Variants in DLG2 observed in about 807,000 individuals in gnomAD.
DLG2 encodes discs large MAGUK scaffold protein 2.
DLG2 carries 45 observed loss-of-function variants against 132.5 expected under a neutral mutation model. That is an observed-to-expected ratio of 0.34 (90% CI 0.27 to 0.44). The LOEUF is 0.44. Ranked by LOEUF, DLG2 falls within the 20% of genes least tolerant of loss-of-function variation. DLG2 has a pLI of 1.00. For missense variants in DLG2, 1,045 were observed against 1,196.9 expected (o/e 0.87, Z 1.87); for synonymous variants, 424 against 419.6 (o/e 1.01, Z -0.13).
chr11:84,703,866 A>ATATATATATATATATATATATATG (rs1356758303), intron 6 of DLG2, among the ~76,000 whole-genome samples: 27 of 118,338 alleles, frequency 2.3e-4, no homozygotes, highest in African/African-American at 8.5e-4. Flanking sequence ...AGATATATAT[A>ATATATATATATATATATATATATG]TATATATATA....
intron 3 of DLG2, among the ~76,000 whole-genome samples, chr11:85,525,739 A>G (rs561340330): frequency 3.3e-5 from 5 of 152,330 alleles, no homozygotes; most frequent in Admixed American, 6.5e-5. Context: ...TACTGCCAGG[A>G]GAATATTTTC....
At chr11:84,675,762 C>G (rs755592760) in intron 6 of DLG2, among the ~76,000 whole-genome samples, 3 of 152,090 alleles carry the variant, frequency 2.0e-5, no homozygotes, top group African/African-American at 7.2e-5. Context: ...CTTCTCATCC[C>G]TTTTACACCG....
chr11:84,316,797 A>G, intron 7 of DLG2: 2 of 1,571,960 alleles, frequency 1.3e-6, no homozygotes, highest in Non-Finnish European at 1.7e-6. Flanking sequence ...TCAGACACTC[A>G]AGGGAAAGTC....
intron 6 of DLG2, among the ~76,000 whole-genome samples, chr11:84,571,543 C>T (rs2099484955): frequency 6.6e-6 from 1 of 151,976 alleles, no homozygotes; most frequent in Non-Finnish European, 1.5e-5. Flanking sequence ...TGACATGGCA[C>T]CCTCCCCTCC....
intron 3 of DLG2, among the ~76,000 whole-genome samples, chr11:85,510,441 G>A (rs971461975): frequency 3.3e-5 from 5 of 151,924 alleles, no homozygotes; most frequent in South Asian, 2.1e-4. Flanking sequence ...GCAACCTACA[G>A]AATGGGAGAA....
chr11:85,098,456 G>A (rs929820839), intron 6 of DLG2, among the ~76,000 whole-genome samples: 3 of 152,130 alleles, frequency 2.0e-5, no homozygotes, highest in Non-Finnish European at 2.9e-5. Flanking sequence ...CGGCCATTCC[G>A]TGTGTACTCT....
chr11:84,113,104 C>G (rs755222895), intron 9 of DLG2, among the ~76,000 whole-genome samples: 1 of 152,012 alleles, frequency 6.6e-6, no homozygotes, highest in African/African-American at 2.4e-5. Flanking sequence ...GTAGTGGTGC[C>G]GAAGTATGCT....
intron 19 of DLG2, among the ~76,000 whole-genome samples, chr11:83,583,348 G>T (rs7130884): frequency 6.6e-6 from 1 of 152,074 alleles, no homozygotes; most frequent in South Asian, 2.1e-4. Flanking sequence ...ACATATTACC[G>T]AAAGCCTGCA....
intron 7 of DLG2, among the ~76,000 whole-genome samples, chr11:84,382,602 T>C (rs182012367): frequency 6.8e-4 from 103 of 152,292 alleles, no homozygotes; most frequent in Middle Eastern, 3.4e-3. Flanking sequence ...ATGAGAGTAT[T>C]TGTCTCAGAA....
At chr11:83,590,127 G>T (rs2097161824) in intron 19 of DLG2, among the ~76,000 whole-genome samples, 1 of 143,834 alleles carries the variant, frequency 7.0e-6, no homozygotes, top group Non-Finnish European at 1.5e-5. Flanking sequence ...ACTCAGCTCT[G>T]CACCAAGCAG....
chr11:84,538,382 G>T (rs2099360453), intron 6 of DLG2, among the ~76,000 whole-genome samples: 1 of 152,148 alleles, frequency 6.6e-6, no homozygotes, highest in Non-Finnish European at 1.5e-5. Context: ...GCTCATATCT[G>T]CATACTTTTC....
intron 11 of DLG2, among the ~76,000 whole-genome samples, chr11:84,005,823 G>A (rs992485808): frequency 3.3e-5 from 5 of 151,526 alleles, no homozygotes; most frequent in Non-Finnish European, 4.4e-5. Flanking sequence ...AAAAAATAAC[G>A]GACGCTGACA....
intron 6 of DLG2, among the ~76,000 whole-genome samples, chr11:84,692,744 C>T (rs1424429443): frequency 6.6e-6 from 1 of 151,552 alleles, no homozygotes; most frequent in African/African-American, 2.4e-5. Context: ...CTTCACTGGC[C>T]ACTATGTTAG....
intron 6 of DLG2, among the ~76,000 whole-genome samples, chr11:84,662,643 C>T (rs1295463000): frequency 6.6e-6 from 1 of 151,852 alleles, no homozygotes; most frequent in Admixed American, 6.6e-5. Flanking sequence ...AAAAATCAGT[C>T]AGGCATGGTG....
intron 3 of DLG2, among the ~76,000 whole-genome samples, chr11:85,536,891 T>G (rs1470855058): frequency 1.3e-5 from 2 of 152,214 alleles, no homozygotes; most frequent in Non-Finnish European, 2.9e-5. Context: ...GTGCCCAGAC[T>G]AGGTGCCGCA....
chr11:84,421,747 C>T (rs1005142813), intron 7 of DLG2, among the ~76,000 whole-genome samples: 2 of 152,192 alleles, frequency 1.3e-5, no homozygotes, highest in East Asian at 3.9e-4. Context: ...CACATCTTCC[C>T]ATTCCCTTGT....
intron 11 of DLG2, among the ~76,000 whole-genome samples, chr11:83,985,757 T>C (rs573010691): frequency 2.0e-5 from 3 of 152,188 alleles, no homozygotes; most frequent in East Asian, 3.8e-4. Context: ...CAGTCTATCA[T>C]TGATTGGCAT....
chr11:84,479,771 T>C (rs2099131725), intron 7 of DLG2, among the ~76,000 whole-genome samples: 1 of 152,092 alleles, frequency 6.6e-6, no homozygotes, highest in African/African-American at 2.4e-5. Context: ...GGAGCTTCAG[T>C]ATAATAGGTA....
chr11:85,383,916 G>C (rs796918587), intron 3 of DLG2, among the ~76,000 whole-genome samples: 12 of 152,190 alleles, frequency 7.9e-5, no homozygotes, highest in African/African-American at 2.9e-4. Context: ...CACCTATTTG[G>C]AGTGCCCTTC....
Sources: allele counts gnomAD v4.1 joint callset (sites outside exome capture counted in the v4.1 genomes callset), GRCh38; gene constraint gnomAD v4.1.1; transcripts MANE v1.5; gene names NCBI Gene and HGNC (gene_info 2026-07-23, HGNC 2026-07-21).